KCNMA1: variants seen among roughly 807,000 people sequenced by gnomAD.
The protein encoded by KCNMA1 is Calcium-activated potassium channel subunit alpha-1.
Under a neutral mutation model 140.0 loss-of-function variants are expected in KCNMA1, and 29 were observed. The observed-to-expected ratio is 0.21, with a 90% CI of 0.15 to 0.28. KCNMA1 has a LOEUF of 0.28. Ranked by LOEUF, KCNMA1 falls within the 10% of genes least tolerant of loss-of-function variation. KCNMA1 has a pLI of 1.00. For synonymous variants in KCNMA1, 612 were observed against 611.9 expected (o/e 1.00, Z 0.00); for missense variants, 880 against 1,602.2 (o/e 0.55, Z 7.70).
intron 1 of KCNMA1, among the ~76,000 whole-genome samples, chr10:77,607,253 C>A (rs113173015): frequency 3.7e-3 from 562 of 152,284 alleles, no homozygotes; most frequent in Non-Finnish European, 5.0e-3. Flanking sequence ...GACAGTGGAG[C>A]CTGGCCAGTG....
intron 1 of KCNMA1, among the ~76,000 whole-genome samples, chr10:77,578,073 G>A (rs758450097): frequency 2.0e-5 from 3 of 152,188 alleles, no homozygotes; most frequent in African/African-American, 7.2e-5. Context: ...CAGTGCCTCT[G>A]GACACCTCCA....
intron 2 of KCNMA1, among the ~76,000 whole-genome samples, chr10:77,261,724 A>G (rs1198008104): frequency 6.6e-6 from 1 of 152,184 alleles, no homozygotes; most frequent in African/African-American, 2.4e-5. Flanking sequence ...CTTTTTGCAT[A>G]ATTTTACCAA....
At chr10:77,517,769 C>G (rs1396443080) in intron 1 of KCNMA1, among the ~76,000 whole-genome samples, 1 of 152,178 alleles carries the variant, frequency 6.6e-6, no homozygotes, top group Admixed American at 6.5e-5. Flanking sequence ...GTATCAAGCA[C>G]CACTATTTCC....
intron 2 of KCNMA1, among the ~76,000 whole-genome samples, chr10:77,304,993 G>T (rs1443280391): frequency 6.6e-6 from 1 of 152,212 alleles, no homozygotes; most frequent in African/African-American, 2.4e-5. Flanking sequence ...GACCTGGAGA[G>T]CTTGTTAAAA....
chr10:77,002,169 G>A (rs994833444), intron 18 of KCNMA1, among the ~76,000 whole-genome samples: 1 of 152,152 alleles, frequency 6.6e-6, no homozygotes, highest in African/African-American at 2.4e-5. Context: ...TGAACTTCCC[G>A]AGAGTGAGTT....
intron 2 of KCNMA1, among the ~76,000 whole-genome samples, chr10:77,290,060 G>T (rs2072633757): frequency 1.3e-5 from 2 of 152,166 alleles, no homozygotes; most frequent in East Asian, 3.9e-4. Context: ...ATGCGGTAAA[G>T]GCACAGTTCC....
intron 18 of KCNMA1, among the ~76,000 whole-genome samples, chr10:77,008,344 A>ACTT (rs1327095451): frequency 1.3e-5 from 2 of 152,192 alleles, no homozygotes; most frequent in Non-Finnish European, 1.5e-5. Flanking sequence ...AGGAGTCCAC[A>ACTT]CTTTGGCAAA....
chr10:77,171,055 A>T (rs887643303), intron 5 of KCNMA1, among the ~76,000 whole-genome samples: 1 of 152,346 alleles, frequency 6.6e-6, no homozygotes, highest in East Asian at 1.9e-4. Flanking sequence ...GGAAACTTGC[A>T]TAGCAGCTAC....
chr10:77,170,395 C>T (rs531268231), intron 5 of KCNMA1, among the ~76,000 whole-genome samples: 27 of 152,010 alleles, frequency 1.8e-4, no homozygotes, highest in South Asian at 4.2e-4. Context: ...GCCCTTCCCT[C>T]GAGGAGCGGG....
At chr10:76,878,993 C>T (rs769528126) in intron 29 of KCNMA1, among the ~76,000 whole-genome samples, 2 of 152,080 alleles carry the variant, frequency 1.3e-5, no homozygotes, top group Non-Finnish European at 2.9e-5. Context: ...AGACAATGGC[C>T]TCTGTAGCTG....
intron 1 of KCNMA1, among the ~76,000 whole-genome samples, chr10:77,452,226 T>A (rs891386506): frequency 6.6e-6 from 1 of 152,178 alleles, no homozygotes; most frequent in Non-Finnish European, 1.5e-5. Context: ...TGGCCATGCC[T>A]CCTGGTCATG....
chr10:77,373,401 C>T (rs185476132), intron 2 of KCNMA1, among the ~76,000 whole-genome samples: 1 of 152,250 alleles, frequency 6.6e-6, no homozygotes, highest in African/African-American at 2.4e-5. Flanking sequence ...AATTACAAGC[C>T]CCAGGAATAT....
At chr10:77,438,555 C>T (rs1244941453) in intron 1 of KCNMA1, among the ~76,000 whole-genome samples, 2 of 148,018 alleles carry the variant, frequency 1.4e-5, no homozygotes, top group African/African-American at 5.0e-5. Context: ...AAGAGCGAAA[C>T]TCTGTCTCAA....
intron 18 of KCNMA1, among the ~76,000 whole-genome samples, chr10:77,006,020 A>C: frequency 6.6e-6 from 1 of 152,202 alleles, no homozygotes; most frequent in East Asian, 1.9e-4. Flanking sequence ...TCAGCTGTCA[A>C]ACTCAGGTTC....
At chr10:77,078,183 G>A (rs924883960) in intron 13 of KCNMA1, 2 of 152,242 alleles carry the variant, frequency 1.3e-5, no homozygotes, top group Non-Finnish European at 2.9e-5. Flanking sequence ...TGGCCCATAA[G>A]AGGGGGTACG....
At chr10:77,088,605 T>G (rs1181449695) in intron 10 of KCNMA1, among the ~76,000 whole-genome samples, 4 of 152,036 alleles carry the variant, frequency 2.6e-5, no homozygotes, top group African/African-American at 9.7e-5. Flanking sequence ...AATCTTTCTA[T>G]TTTTGTATAG....
chr10:77,317,188 G>A lies in KCNMA1; in HGVS notation c.541-65932C>T, dbSNP rs187595278. Reference sequence around the variant, plus strand: ...AAGACTGCCTTGAAGACATTGTCTGGTTCCTTGGCCTTGAAGGGTCTTTCC... The same window carrying A: ...AAGACTGCCTTGAAGACATTGTCTGATTCCTTGGCCTTGAAGGGTCTTTCC... On this transcript the variant is annotated intron_variant, in intron 2 of 27. Transcript: ENST00000286628. 2.6e-5 allele frequency among the ~76,000 whole-genome samples: 4 copies of A among 152,246 alleles called. No homozygotes were observed. In the East Asian group the frequency reaches 7.7e-4, roughly 29 times the overall value.
chr10:77,513,193 A>C (rs2049058503), intron 1 of KCNMA1, among the ~76,000 whole-genome samples: 1 of 148,118 alleles, frequency 6.8e-6, no homozygotes, highest in Non-Finnish European at 1.5e-5. Context: ...GCTGTTTCAG[A>C]AACAAGCAAG....
intron 1 of KCNMA1, among the ~76,000 whole-genome samples, chr10:77,534,138 T>C (rs1414635819): frequency 6.6e-6 from 1 of 152,214 alleles, no homozygotes; most frequent in Non-Finnish European, 1.5e-5. Context: ...TCCAGCCCTA[T>C]GCTCATCCCA....
Sources: gnomAD v4.1 joint callset for allele counts (sites outside exome capture counted in the v4.1 genomes callset) on GRCh38, gnomAD v4.1.1 for gene constraint, MANE v1.5 for transcripts, NCBI Gene and HGNC (gene_info 2026-07-23, HGNC 2026-07-21) for gene names.